DIPK2A: variants seen among roughly 807,000 people sequenced by gnomAD.
DIPK2A encodes divergent protein kinase domain 2A.
Under a neutral mutation model 39.0 loss-of-function variants are expected in DIPK2A, and 27 were observed. The observed-to-expected ratio is 0.69, with a 90% CI of 0.51 to 0.96. The LOEUF (loss-of-function observed/expected upper bound fraction) is 0.96. DIPK2A is among the 40% of genes least tolerant of loss of function. The pLI is 0.00. For synonymous variants in DIPK2A, 298 were observed against 240.8 expected, an observed-to-expected ratio of 1.24 and a Z score of -2.20; for missense variants, 528 against 571.3, an observed-to-expected ratio of 0.92 and a Z score of 0.77.
chr3:143,973,180 G>A, intron 1 of DIPK2A, 191 bp downstream of exon 1: 1 of 997,208 alleles, frequency 1.0e-6, no homozygotes, highest in Non-Finnish European at 1.5e-6. Context: ...CGACCCCGCT[G>A]ATGGAGAGTC....
chr3:143,971,850 G>A lies in DIPK2A; in HGVS notation c.-483G>A, dbSNP rs75399984. On this transcript the variant is annotated 5_prime_UTR_variant, in exon 1 of 3. It adds an upstream start codon to the 5' untranslated region. Transcript: ENST00000315691. The stretch of plus-strand genomic sequence containing the variant: ...AAGCAAGGGTGTGCGGCTCTGAGAC[G>A]TGCGTTGCTGCTTGTGGGTGTGAGA... 0.035 allele frequency: 5,390 copies of A among 154,230 alleles called. 121 individuals are homozygous for A. Among genetic ancestry groups the A allele is most frequent in the Non-Finnish European group, 0.055 (3,852 of 69,462 alleles). 9.6% of individuals were successfully genotyped at this position (154,230 alleles called of 1,614,324 possible).
chr3:143,973,094 C>A, intron 1 of DIPK2A, 105 bp downstream of exon 1: 1 of 1,407,552 alleles, frequency 7.1e-7, no homozygotes, highest in Non-Finnish European at 9.6e-7. Flanking sequence ...TCGGACTCGG[C>A]CGGGCTGGGC....
In DIPK2A at chr3:143,991,127, A is replaced by AAAAAATGTTACAGTG. The variant is rs3830439; in HGVS notation, c.*1286_*1287insAAAAATGTTACAGTG. Reference sequence around the variant, plus strand: ...TTGCATAGAAATGTGTGGGCTCTTTATATAAGTTGACTATCACTAACAGGT... The same window carrying AAAAAATGTTACAGTG: ...TTGCATAGAAATGTGTGGGCTCTTTAAAAAATGTTACAGTGTATAAGTTGACTATCACTAACAGGT... On this transcript the variant is annotated 3_prime_UTR_variant, in exon 3 of 3. Transcript: ENST00000315691. 1 of 152,526 alleles carries AAAAAATGTTACAGTG rather than the reference A, an allele frequency of 6.6e-6. No individual in the cohort carries two copies. Among genetic ancestry groups the AAAAAATGTTACAGTG allele is most frequent in the African/African-American group, 2.4e-5 (1 of 41,396 alleles). 9.4% of individuals were successfully genotyped at this position (152,526 alleles called of 1,614,324 possible).
chr3:143,972,633 G>T lies in DIPK2A; in HGVS notation c.301G>T (p.Glu101Ter). 1 of 1,611,372 alleles carries T rather than the reference G, an allele frequency of 6.2e-7. No homozygotes were observed. The highest frequency in any genetic ancestry group is 8.5e-7 in the Non-Finnish European group (1 of 1,179,372). ...CTTCGCGCAGTACGGCGAGCCCCGC[G>T]AGGGCGGCCGCCGCCGAGTGGTGCT... ...VYFAQYGEPREGGRRRVVLKR... is the reference protein window; with the variant it reads ...VYFAQYGEPR Residue 101 changes from glutamate (E) to a stop codon, truncating the protein, a stop_gained, in exon 1 of 3, where the codon GAG becomes TAG. Transcript: ENST00000315691. LOFTEE classifies it high-confidence loss of function.
chr3:143,972,340 G>A lies in DIPK2A; in HGVS notation c.8G>A (p.Arg3His). 7.4e-7 allele frequency: 1 copy of A among 1,353,666 alleles called. No homozygotes were observed. Among genetic ancestry groups the A allele is most frequent in the South Asian group, 1.9e-5 (1 of 53,884 alleles). 83.9% of individuals were successfully genotyped at this position (1,353,666 alleles called of 1,614,324 possible). A position where few individuals can be genotyped will look rare whatever the true frequency, so the allele number is the denominator to read the frequency against. ...TGCGGGCGGGCGGGCGGTATGTGGC[G>A]CCTGGTGCCCCCGAAGCTGGGCCGC... MW[R>H]LVPPKLGRLS... is the part of the protein sequence containing the mutation. The change falls in exon 1 of 3, where the codon CGC (arginine) becomes CAC (histidine). Residue 3 changes from arginine (R) to histidine (H), a missense_variant. Coordinates refer to ENST00000315691, the MANE Select transcript of DIPK2A (RefSeq NM_173552.5).
rs182531084 is a variant in DIPK2A at position 143,977,365 on chromosome 3, C to T, written c.657+4376C>T. Among the ~76,000 whole-genome samples the T allele has an allele frequency of 1.8e-3, 281 of 151,958 alleles. 2 individuals carry two copies. Among genetic ancestry groups the T allele is most frequent in the African/African-American group, 6.5e-3 (268 of 41,476 alleles). ...GTTGTTGTTTTCTTTTGAACTTTAA[C>T]GAGTGGGTTTAATTAAGCTCTTCTG... On this transcript the variant is annotated intron_variant, in intron 1 of 2. Transcript: ENST00000315691.
intron 1 of DIPK2A, among the ~76,000 whole-genome samples, chr3:143,976,808 G>A (rs1253928938): frequency 2.6e-5 from 4 of 152,032 alleles, no homozygotes; most frequent in Non-Finnish European, 4.4e-5. Context: ...ATTAAGCTAT[G>A]GTTTTTAAGC....
In DIPK2A at chr3:143,989,858, C is replaced by CT. The variant is rs2087955862; in HGVS notation, c.*24dup. On this transcript the variant is annotated 3_prime_UTR_variant, in exon 3 of 3. Coordinates refer to ENST00000315691, the MANE Select transcript of DIPK2A (RefSeq NM_173552.5). Reference sequence around the variant, plus strand: ...GTGAGGTAGTCTATGGTGAACTTTTCTTTTTTTCTCCATTTAAACAGCACT... The same window carrying CT: ...GTGAGGTAGTCTATGGTGAACTTTTCTTTTTTTTCTCCATTTAAACAGCACT... 1.3e-6 allele frequency: 2 copies of CT among 1,586,228 alleles called. No individual in the cohort carries two copies. The highest frequency in any genetic ancestry group is 8.6e-7 in the Non-Finnish European group (1 of 1,160,216).
intron 1 of DIPK2A, among the ~76,000 whole-genome samples, chr3:143,980,343 C>G (rs1476824940): frequency 6.6e-6 from 1 of 152,176 alleles, no homozygotes; most frequent in Non-Finnish European, 1.5e-5. Flanking sequence ...TCTCAGTTCA[C>G]TGTAACCTCT....
chr3:143,989,603 C>G lies in DIPK2A; in HGVS notation c.1055C>G (p.Ala352Gly), dbSNP rs2087951120. Residue 352 changes from alanine (A) to glycine (G), a missense_variant, in exon 3 of 3, where the codon GCT (alanine) becomes GGT (glycine). Physicochemically the swap from Ala to Gly is moderately conservative, Grantham distance 60. Coordinates refer to ENST00000315691, the MANE Select transcript of DIPK2A (RefSeq NM_173552.5). The part of the protein sequence containing the change: ...CLSFSKEILC[A>G]RATVDHNYYA... Reference sequence around the variant, plus strand: ...TCATTTTCAAAAGAAATTCTTTGTGCTCGTGCCACTGTGGACCACAATTAC... The same window carrying G: ...TCATTTTCAAAAGAAATTCTTTGTGGTCGTGCCACTGTGGACCACAATTAC... 1 of 1,614,070 alleles carries G rather than the reference C, an allele frequency of 6.2e-7. No homozygotes were observed. Among genetic ancestry groups the G allele is most frequent in the South Asian group, 1.1e-5 (1 of 91,096 alleles).
rs927629193 is a variant in DIPK2A, at chr3:143,972,578, G to A, written c.246G>A (p.Leu82=). ...TCGAGGCGTGGGGCCGCTTGCGCCT[G>A]CTGGACTTCCTCAACGTGAAGAACG... ...VVFEAWGRLR[L]LDFLNVKNVY... is the part of the protein sequence containing the mutation. Residue 82 remains leucine, a synonymous_variant, in exon 1 of 3, where the codon CTG becomes CTA. Coordinates refer to ENST00000315691, the MANE Select transcript of DIPK2A (RefSeq NM_173552.5). 9.9e-6 allele frequency: 16 copies of A among 1,612,152 alleles called. No homozygotes were observed. The highest frequency in any genetic ancestry group is 1.3e-5 in the African/African-American group (1 of 74,858).
chr3:143,977,180 A>AT (rs2087742759), intron 1 of DIPK2A, among the ~76,000 whole-genome samples: 1 of 152,064 alleles, frequency 6.6e-6, no homozygotes, highest in Admixed American at 6.5e-5. Flanking sequence ...TAAACAAAAG[A>AT]TTATTTAGCT....
intron 2 of DIPK2A, among the ~76,000 whole-genome samples, chr3:143,987,100 A>G (rs980639504): frequency 6.6e-6 from 1 of 152,098 alleles, no homozygotes; most frequent in Non-Finnish European, 1.5e-5. Flanking sequence ...TGCCATGTAG[A>G]TCCTCCTACA....
intron 1 of DIPK2A, among the ~76,000 whole-genome samples, chr3:143,979,704 G>T (rs1265619236): frequency 1.3e-5 from 2 of 151,664 alleles, no homozygotes; most frequent in East Asian, 3.9e-4. Context: ...TTTTTTTTTG[G>T]TGGGGGCAGC....
At position 143,986,500 on chromosome 3, in the gene DIPK2A, G is replaced by A. The variant is rs2087901333; in HGVS notation, c.961+654G>A. ...AGCACTTTGGGAGGCCGAGGCGGGC[G>A]GATCACGAGGTCAGGAGATCGAGAC... On this transcript the variant is annotated intron_variant, in intron 2 of 2. Coordinates refer to ENST00000315691, the MANE Select transcript of DIPK2A (RefSeq NM_173552.5). Among the ~76,000 whole-genome samples, 7 of 152,148 alleles carry A rather than the reference G, an allele frequency of 4.6e-5. No individual in the cohort carries two copies. The South Asian group carries it at 6.2e-4, about 14-fold the overall frequency.
At position 143,972,408 on chromosome 3, in the gene DIPK2A, G is replaced by C; in HGVS notation, c.76G>C (p.Val26Leu). The C allele has an allele frequency of 1.3e-6, 2 of 1,515,702 alleles. No homozygotes were observed. Among genetic ancestry groups the C allele is most frequent in the African/African-American group, 2.8e-5 (2 of 71,064 alleles). The allele number at this position is 1,515,702 out of a possible 1,614,324, so 93.9% of individuals were successfully genotyped here. A position where few individuals can be genotyped will look rare whatever the true frequency, so the allele number is the denominator to read the frequency against. The stretch of plus-strand genomic sequence containing the variant: ...GCTGGCGGCGCTGGGCAGCCTGTTG[G>C]TGCTGATGGTGCTGCACTCGCCGTC... ...LKLAALGSLL[V>L]LMVLHSPSLL... The change falls in exon 1 of 3, where the codon GTG becomes CTG. Residue 26 changes from valine (V) to leucine (L), a missense_variant. Physicochemically the swap from Val to Leu is conservative, Grantham distance 32 (BLOSUM62 1). This residue lies in a region of DIPK2A where 309 missense variants were observed against 289.8 expected (regional missense o/e 1.07). Coordinates refer to ENST00000315691, the MANE Select transcript of DIPK2A (RefSeq NM_173552.5).
intron 2 of DIPK2A, among the ~76,000 whole-genome samples, chr3:143,987,235 A>G (rs1417785893): frequency 6.6e-6 from 1 of 152,168 alleles, no homozygotes; most frequent in Non-Finnish European, 1.5e-5. Context: ...TTTTTAGTAT[A>G]TTCATAGAGT....
At chr3:143,973,388 C>T in intron 1 of DIPK2A, 1 of 1,548,948 alleles carries the variant, frequency 6.5e-7, no homozygotes, top group Middle Eastern at 1.7e-4. Context: ...TGGACCTTTC[C>T]TAGTTCTTCT....
chr3:143,973,497 C>A, intron 1 of DIPK2A: 1 of 1,551,076 alleles, frequency 6.4e-7, no homozygotes, highest in South Asian at 1.2e-5. Context: ...ACCTGGCAGT[C>A]ATTTGGACAC....
Sources: allele counts gnomAD v4.1 joint callset (sites outside exome capture counted in the v4.1 genomes callset), GRCh38; gene constraint gnomAD v4.1.1; regional missense constraint gnomAD v4.1.1; transcripts MANE v1.5; gene names NCBI Gene and HGNC (gene_info 2026-07-23, HGNC 2026-07-21).